Variants in ZNF608 observed in about 807,000 individuals in gnomAD.
ZNF608 encodes zinc finger protein 608.
ZNF608 carries 12 observed loss-of-function variants against 109.0 expected under a neutral mutation model. The observed-to-expected ratio is 0.11, with a 90% CI of 0.07 to 0.18. ZNF608 has a LOEUF of 0.18. ZNF608 is among the 10% of genes least tolerant of loss of function. ZNF608 has a pLI of 1.00. For synonymous variants in ZNF608, 732 were observed against 717.4 expected (o/e 1.02, Z -0.33); for missense variants, 1,707 against 1,879.3 (o/e 0.91, Z 1.70).
intron 2 of ZNF608, among the ~76,000 whole-genome samples, chr5:124,709,401 G>C (rs956944551): frequency 1.3e-5 from 2 of 152,134 alleles, no homozygotes; most frequent in Non-Finnish European, 2.9e-5. Flanking sequence ...CAAAACAGAA[G>C]GTACTGAGTA....
intron 3 of ZNF608, among the ~76,000 whole-genome samples, chr5:124,667,036 G>A (rs554844265): frequency 7.6e-4 from 116 of 152,148 alleles, no homozygotes; most frequent in South Asian, 1.9e-3. Flanking sequence ...GTATCCTCTG[G>A]AGCAGCAGAT....
intron 3 of ZNF608, among the ~76,000 whole-genome samples, chr5:124,674,570 T>A (rs534663503): frequency 6.6e-6 from 1 of 152,242 alleles, no homozygotes. Context: ...CCATTAGGGC[T>A]GAGCCAATGC....
chr5:124,695,729 A>G (rs558738234), intron 3 of ZNF608, among the ~76,000 whole-genome samples: 24 of 152,070 alleles, frequency 1.6e-4, no homozygotes, highest in African/African-American at 5.5e-4. Flanking sequence ...GATCACAACA[A>G]CTGCACTCCA....
chr5:124,684,824 A>G (rs1752336958), intron 3 of ZNF608, among the ~76,000 whole-genome samples: 1 of 152,216 alleles, frequency 6.6e-6, no homozygotes, highest in Non-Finnish European at 1.5e-5. Context: ...CTCATGGTTT[A>G]GCTACAGGTC....
intron 2 of ZNF608, chr5:124,710,011 C>T (rs1753424548): frequency 3.9e-6 from 1 of 257,712 alleles, no homozygotes; most frequent in Admixed American, 5.1e-5. Flanking sequence ...CTGGATGTTG[C>T]TAAACATGGT....
At chr5:124,699,480 A>C (rs1451626172) in intron 3 of ZNF608, among the ~76,000 whole-genome samples, 6 of 152,208 alleles carry the variant, frequency 3.9e-5, no homozygotes, top group Admixed American at 2.0e-4. Flanking sequence ...AAAACTCAAA[A>C]ATTTCTAAAG....
intron 3 of ZNF608, among the ~76,000 whole-genome samples, chr5:124,667,636 GC>G (rs1751532864): frequency 6.6e-6 from 1 of 151,260 alleles, no homozygotes; most frequent in Non-Finnish European, 1.5e-5. Flanking sequence ...ACTGGGAATT[GC>G]CCTTTTGTTT....
chr5:124,746,685 A>G (rs995468738), upstream of ZNF608: 9 of 985,330 alleles, frequency 9.1e-6, no homozygotes, highest in Non-Finnish European at 1.1e-5. Context: ...AAAGGGAAGA[A>G]AGAATAAGAA....
chr5:124,674,288 G>A (rs182943208), intron 3 of ZNF608, among the ~76,000 whole-genome samples: 27 of 152,280 alleles, frequency 1.8e-4, no homozygotes, highest in Admixed American at 1.3e-3. Flanking sequence ...TTCAAAAACC[G>A]CTGCACATTG....
intron 3 of ZNF608, among the ~76,000 whole-genome samples, chr5:124,699,213 G>A (rs563341447): frequency 8.5e-5 from 13 of 152,168 alleles, no homozygotes; most frequent in South Asian, 2.1e-4. Context: ...CAGTCTGAAC[G>A]CCTTATCCAC....
At chr5:124,730,401 G>A (rs1440491374) in intron 2 of ZNF608, among the ~76,000 whole-genome samples, 1 of 152,186 alleles carries the variant, frequency 6.6e-6, no homozygotes, top group African/African-American at 2.4e-5. Flanking sequence ...CCAATCACCA[G>A]TATATAGCTA....
intron 3 of ZNF608, among the ~76,000 whole-genome samples, chr5:124,677,665 G>A (rs1258457142): frequency 3.3e-5 from 5 of 151,982 alleles, no homozygotes; most frequent in South Asian, 2.1e-4. Context: ...GTTAACTGTC[G>A]GAAAATACAA....
chr5:124,700,916 T>C lies in ZNF608; in HGVS notation c.1162+98A>G. ...GGAAATAAAAAACACTTTCCATTCC[T>C]CTCTGAATACCGCAAAACAAATTCT... On this transcript the variant is annotated intron_variant, in intron 3 of 9. Transcript: ENST00000513986. The C allele has an allele frequency of 4.7e-6, 7 of 1,502,140 alleles. No homozygotes were observed. The South Asian group carries it at 6.5e-5, about 14-fold the overall frequency. 93.1% of individuals were successfully genotyped at this position (1,502,140 alleles called of 1,614,324 possible).
chr5:124,748,219 G>C (rs1030141010), upstream of ZNF608, among the ~76,000 whole-genome samples: 3 of 152,128 alleles, frequency 2.0e-5, no homozygotes, highest in Non-Finnish European at 4.4e-5. Flanking sequence ...AAGAGGGAGG[G>C]AGTAAGGTGA....
intron 3 of ZNF608, among the ~76,000 whole-genome samples, chr5:124,694,439 T>C (rs552259797): frequency 3.3e-5 from 5 of 152,138 alleles, no homozygotes; most frequent in Non-Finnish European, 4.4e-5. Flanking sequence ...CCAGTAAATA[T>C]ACAGATTTGA....
intron 3 of ZNF608, among the ~76,000 whole-genome samples, chr5:124,656,048 A>C (rs184320965): frequency 2.0e-5 from 3 of 152,162 alleles, no homozygotes; most frequent in African/African-American, 7.2e-5. Context: ...TTTTTTTTTA[A>C]AGAGCCCTAC....
intron 2 of ZNF608, among the ~76,000 whole-genome samples, chr5:124,723,059 C>A (rs1339117656): frequency 1.4e-5 from 2 of 147,912 alleles, no homozygotes; most frequent in South Asian, 4.3e-4. Context: ...GAGACAAGGT[C>A]TTTCTGTGTT....
intron 3 of ZNF608, among the ~76,000 whole-genome samples, chr5:124,667,679 T>G (rs991487080): frequency 6.6e-6 from 1 of 152,250 alleles, no homozygotes; most frequent in Admixed American, 6.5e-5. Flanking sequence ...TCATGCTGAC[T>G]ATGTTAGGCA....
chr5:124,701,114 T>G lies in ZNF608; in HGVS notation c.1062A>C (p.Thr354=). ...LVRTRSVGVN[T]CEVGVVTEPE... ...GCTCTGTCACTACTCCAACTTCACATGTATTGACACCCACAGAACGAGTCC... is the reference window on the plus strand; with the variant it reads ...GCTCTGTCACTACTCCAACTTCACAGGTATTGACACCCACAGAACGAGTCC... The change falls in exon 3 of 10, where the codon ACA becomes ACC. Residue 354 remains threonine, a synonymous_variant. Transcript: ENST00000513986. The G allele has an allele frequency of 1.2e-6, 2 of 1,614,098 alleles. No homozygotes were observed. Among genetic ancestry groups the G allele is most frequent in the Non-Finnish European group, 1.7e-6 (2 of 1,180,010 alleles).
Sources: allele counts gnomAD v4.1 joint callset (sites outside exome capture counted in the v4.1 genomes callset), GRCh38; gene constraint gnomAD v4.1.1; transcripts MANE v1.5; gene names NCBI Gene and HGNC (gene_info 2026-07-23, HGNC 2026-07-21).